Variants in PLOD1 observed in about 807,000 individuals in gnomAD.
PLOD1 encodes lysine hydroxylase.
In PLOD1, 70 loss-of-function variants were observed where a neutral mutation model predicts 94.7. The observed-to-expected ratio is 0.74, with a 90% CI of 0.61 to 0.90. PLOD1 has a LOEUF of 0.90. Among genes scored for constraint, PLOD1 ranks in the 40% least tolerant of loss-of-function variants. The pLI, the probability that PLOD1 is intolerant of heterozygous loss-of-function variation, is 0.00. For missense variants in PLOD1, 905 were observed against 972.7 expected (o/e 0.93, Z 0.93); for synonymous variants, 417 against 400.2 (o/e 1.04, Z -0.50).
At chr1:11,967,956 T>A (rs1040696368) in intron 16 of PLOD1, among the ~76,000 whole-genome samples, 19 of 122,634 alleles carry the variant, frequency 1.5e-4, no homozygotes, top group Admixed American at 2.3e-4. Flanking sequence ...TGTGTGTAAA[T>A]TTTTTTTTTT....
rs150184664 is a variant in PLOD1 at position 11,970,743 on chromosome 1, G to A, written c.1829G>A (p.Arg610Gln). ...CACATGAACCAGATCGGCTTTGAGC[G>A]GGAGTGGCACAAATTCCTGCTGGAG... is the stretch of plus-strand genomic sequence containing the variant. Reference protein sequence around the residue: ...DIHMNQIGFEREWHKFLLEYI... With the variant: ...DIHMNQIGFEQEWHKFLLEYI... The change falls in exon 17 of 19, where the codon CGG becomes CAG. Residue 610 changes from arginine (R) to glutamine (Q), a missense_variant. Physicochemically the swap from Arg to Gln is conservative, Grantham distance 43. Coordinates refer to ENST00000196061, the MANE Select transcript of PLOD1 (RefSeq NM_000302.4). 1.7e-5 allele frequency: 28 copies of A among 1,612,076 alleles called. No individual in the cohort carries two copies. The highest frequency in any genetic ancestry group is 5.5e-5 in the South Asian group (5 of 91,006).
intron 5 of PLOD1, chr1:11,954,189 G>GA: frequency 1.3e-5 from 2 of 152,004 alleles, no homozygotes; most frequent in Non-Finnish European, 2.9e-5. Flanking sequence ...TGGAGTAGCG[G>GA]CCAGGTGCGG....
intron 1 of PLOD1, among the ~76,000 whole-genome samples, chr1:11,941,985 C>CTT (rs34636670): frequency 1.4e-4 from 19 of 138,640 alleles, no homozygotes; most frequent in African/African-American, 4.3e-4. Context: ...TGTGCCCGGC[C>CTT]TTTTTTTTTT....
In PLOD1 at chr1:11,957,441, C is replaced by T. The variant is rs1645746885; in HGVS notation, c.742-401C>T. ...CAGATGCGGCCAGGGACAGAATGGA[C>T]CTCACTGGTCCCTGGGGAACTGGCT... On this transcript the variant is annotated intron_variant, in intron 7 of 18. Coordinates refer to ENST00000196061, the MANE Select transcript of PLOD1 (RefSeq NM_000302.4). This position sits in a 1 kb window ranked among gnomAD's most constrained non-coding sequence, Gnocchi z 4.1. Among the ~76,000 whole-genome samples, 1 of 152,166 alleles carries T rather than the reference C, an allele frequency of 6.6e-6. No individual in the cohort carries two copies. The highest frequency in any genetic ancestry group is 1.5e-5 in the Non-Finnish European group (1 of 68,020).
At chr1:11,956,203 G>A (rs1326022118) in intron 6 of PLOD1, among the ~76,000 whole-genome samples, 4 of 151,844 alleles carry the variant, frequency 2.6e-5, no homozygotes, top group Admixed American at 6.6e-5. Flanking sequence ...GACCAACATG[G>A]TGAAACCCCG....
chr1:11,945,046 C>T (rs1253820911), intron 1 of PLOD1, among the ~76,000 whole-genome samples: 1 of 152,156 alleles, frequency 6.6e-6, no homozygotes, highest in Admixed American at 6.5e-5. Context: ...CCAGAGAGGG[C>T]AGGAGAAATC....
intron 5 of PLOD1, chr1:11,954,189 G>A: frequency 6.6e-6 from 1 of 152,014 alleles, no homozygotes; most frequent in South Asian, 1.5e-4. Context: ...TGGAGTAGCG[G>A]CCAGGTGCGG....
In PLOD1 at chr1:11,950,333, G is replaced by A. The variant is rs762850479; in HGVS notation, c.303-24G>A. Reference sequence around the variant, plus strand: ...CCCCTGCTCACCCTTGCCCTGCTCCGTCTTCTCGCTGCTCTGGCCACAGCT... The same window carrying A: ...CCCCTGCTCACCCTTGCCCTGCTCCATCTTCTCGCTGCTCTGGCCACAGCT... On this transcript the variant is annotated intron_variant, in intron 3 of 18. Coordinates refer to ENST00000196061, the MANE Select transcript of PLOD1 (RefSeq NM_000302.4). 6.8e-6 allele frequency: 11 copies of A among 1,613,200 alleles called. No individual in the cohort carries two copies. In the South Asian group the frequency reaches 7.7e-5, roughly 11 times the overall value.
intron 11 of PLOD1, 59 bp from the exon 12 acceptor site, chr1:11,964,116 G>A (rs549853181): frequency 3.2e-6 from 5 of 1,574,700 alleles, no homozygotes; most frequent in Non-Finnish European, 4.4e-6. Context: ...TCCCTGGTTA[G>A]TGCTGTCTCC....
At chr1:11,938,749 C>T (rs183262499) in intron 1 of PLOD1, among the ~76,000 whole-genome samples, 1 of 152,220 alleles carries the variant, frequency 6.6e-6, no homozygotes, top group Non-Finnish European at 1.5e-5. Flanking sequence ...TCTGTCCCCT[C>T]ACCCAAAACG....
At chr1:11,939,447 G>A (rs984616436) in intron 1 of PLOD1, among the ~76,000 whole-genome samples, 1 of 152,096 alleles carries the variant, frequency 6.6e-6, no homozygotes, top group African/African-American at 2.4e-5. Context: ...CTTGACTCAG[G>A]CCACACAGTG....
chr1:11,970,596 T>C, intron 16 of PLOD1, 74 bp from the exon 17 acceptor site: 1 of 1,395,592 alleles, frequency 7.2e-7, no homozygotes, highest in Admixed American at 1.7e-5. Context: ...TTCCCGGGTG[T>C]AGGAGAGGGG....
Position 11,967,092 on chromosome 1 carries a change from G to A in PLOD1, c.1755+1G>A, listed in dbSNP as rs752213301. Reference sequence around the variant, plus strand: ...CCAGTGGTCTCTGGGCAACAACAAGGTGGGACCCTGATGCCTGGGCTGGGG... The same window carrying A: ...CCAGTGGTCTCTGGGCAACAACAAGATGGGACCCTGATGCCTGGGCTGGGG... On this transcript the variant is annotated splice_donor_variant, in intron 16 of 18. Transcript: ENST00000196061. LOFTEE classifies it high-confidence loss of function. 2 of 1,593,074 alleles carry A rather than the reference G, an allele frequency of 1.3e-6. No homozygotes were observed. The highest frequency in any genetic ancestry group is 1.7e-6 in the Non-Finnish European group (2 of 1,160,892).
Position 11,958,644 on chromosome 1 carries a change from C to T in PLOD1, c.972C>T (p.Asn324=). The change falls in exon 9 of 19, where the codon AAC becomes AAT. Residue 324 remains asparagine (N), a synonymous_variant. Coordinates refer to ENST00000196061, the MANE Select transcript of PLOD1 (RefSeq NM_000302.4). This position sits in a 1 kb window ranked among gnomAD's most constrained non-coding sequence, Gnocchi z 4.3. ...PQKHMRLFIH[N]HEQHHKAQVE... ...AACACATGCGACTTTTCATCCACAA[C>T]CACGTGAGTAACAGGCGCTCTGTGG... The T allele has an allele frequency of 1.2e-6, 2 of 1,614,148 alleles. No homozygotes were observed. The highest frequency in any genetic ancestry group is 1.1e-5 in the South Asian group (1 of 91,078).
intron 15 of PLOD1, 131 bp downstream of exon 15, chr1:11,966,447 G>C (rs1448516523): frequency 3.3e-5 from 13 of 393,954 alleles, no homozygotes; most frequent in African/African-American, 2.9e-4. Flanking sequence ...TGGGAGTTGG[G>C]GGGCGGCAGG....
At chr1:11,936,510 T>G (rs1459955293) in intron 1 of PLOD1, among the ~76,000 whole-genome samples, 1 of 151,674 alleles carries the variant, frequency 6.6e-6, no homozygotes, top group African/African-American at 2.4e-5. Flanking sequence ...GAACCACCAT[T>G]TATTTTATTT....
At chr1:11,937,072 T>C (rs942472834) in intron 1 of PLOD1, among the ~76,000 whole-genome samples, 6 of 152,096 alleles carry the variant, frequency 3.9e-5, no homozygotes, top group Non-Finnish European at 8.8e-5. Context: ...GGTTTCAAAC[T>C]CTTGATCTCA....
chr1:11,966,461 G>A (rs1569727277), intron 15 of PLOD1, 145 bp downstream of exon 15: 3 of 262,548 alleles, frequency 1.1e-5, no homozygotes, highest in East Asian at 2.3e-4. Flanking sequence ...CGGCAGGATG[G>A]GAGTTGGGGG....
At chr1:11,943,731 T>C (rs985919820) in intron 1 of PLOD1, among the ~76,000 whole-genome samples, 1 of 152,122 alleles carries the variant, frequency 6.6e-6, no homozygotes, top group African/African-American at 2.4e-5. Context: ...CTTACATAGA[T>C]AGAGAGACAG....
Sources: gnomAD v4.1 joint callset for allele counts (sites outside exome capture counted in the v4.1 genomes callset) on GRCh38, gnomAD v4.1.1 for gene constraint, Gnocchi (gnomAD v3.1) non-coding constraint, MANE v1.5 for transcripts, NCBI Gene and HGNC (gene_info 2026-07-23, HGNC 2026-07-21) for gene names.